The following ATP8A1 variants were observed in gnomAD, a reference collection of about 807,000 sequenced individuals.
The protein encoded by ATP8A1 is phospholipid-transporting ATPase IA.
In ATP8A1, 90 loss-of-function variants were observed where a neutral mutation model predicts 177.7. The ratio of observed to expected loss-of-function variants is 0.51; its 90% CI spans 0.43 to 0.60. ATP8A1 has a LOEUF of 0.60. ATP8A1 is among the 20% of genes least tolerant of loss of function. ATP8A1 has a pLI of 0.00. For missense variants in ATP8A1, 1,072 were observed against 1,392.8 expected, an observed-to-expected ratio of 0.77 and a Z score of 3.67; for synonymous variants, 493 against 485.9, an observed-to-expected ratio of 1.01 and a Z score of -0.19.
chr4:42,525,565 T>C (rs1048695590), intron 20 of ATP8A1, among the ~76,000 whole-genome samples: 2 of 152,248 alleles, frequency 1.3e-5, no homozygotes, highest in Non-Finnish European at 2.9e-5. Context: ...TACCAGATTA[T>C]GTTTAAAGTC....
rs769215914 is a variant in ATP8A1 at position 42,423,620 on chromosome 4, T to C, written c.3209A>G (p.Lys1070Arg). 2 of 1,608,012 alleles carry C rather than the reference T, an allele frequency of 1.2e-6. No individual in the cohort carries two copies. Among genetic ancestry groups the C allele is most frequent in the African/African-American group, 2.7e-5 (2 of 74,938 alleles). ...VASLLLDVVY[K>R]VIKRTAFKTL... ...ATATAACTGAGTATATACTTACACC[T>C]TGTACACCACATCAAGGAGCAGAGA... Residue 1070 changes from lysine to arginine, a missense_variant, in exon 34 of 37, where the codon AAG (lysine) becomes AGG (arginine). Coordinates refer to ENST00000381668, the MANE Select transcript of ATP8A1 (RefSeq NM_006095.2).
At chr4:42,504,153 C>T (rs1293587498) in intron 23 of ATP8A1, among the ~76,000 whole-genome samples, 1 of 152,188 alleles carries the variant, frequency 6.6e-6, no homozygotes, top group Non-Finnish European at 1.5e-5. Context: ...GAGTACACTG[C>T]CTTTGTGATC....
chr4:42,413,750 G>A (rs1712898344), intron 36 of ATP8A1, among the ~76,000 whole-genome samples: 1 of 152,176 alleles, frequency 6.6e-6, no homozygotes, highest in Non-Finnish European at 1.5e-5. Flanking sequence ...CTCACAGCGG[G>A]CTGAATCCAC....
chr4:42,539,540 CTACATTTAAAATTTATTA>C (rs1318964605), intron 20 of ATP8A1, among the ~76,000 whole-genome samples: 1 of 151,924 alleles, frequency 6.6e-6, no homozygotes, highest in African/African-American at 2.4e-5. Flanking sequence ...ATCACATTAC[CTACATTTAAAATTTATTA>C]CAAGGCTATA....
chr4:42,603,110 G>A (rs1368306709), intron 5 of ATP8A1, among the ~76,000 whole-genome samples: 1 of 151,926 alleles, frequency 6.6e-6, no homozygotes, highest in Non-Finnish European at 1.5e-5. Flanking sequence ...CAAGATATTT[G>A]ACATGAAGAT....
chr4:42,559,570 A>G (rs1730598989), intron 15 of ATP8A1, among the ~76,000 whole-genome samples: 2 of 152,238 alleles, frequency 1.3e-5, no homozygotes, highest in South Asian at 4.1e-4. Context: ...ATTGGGCAAA[A>G]TTTAAAATTT....
In ATP8A1 at chr4:42,616,608, G is replaced by A. The variant is rs534914884; in HGVS notation, c.364-530C>T. 2.6e-5 allele frequency among the ~76,000 whole-genome samples: 4 copies of A among 152,198 alleles called. No homozygotes were observed. In the East Asian group the frequency reaches 5.8e-4, roughly 22 times the overall value. On this transcript the variant is annotated intron_variant, in intron 4 of 36. Coordinates refer to ENST00000381668, the MANE Select transcript of ATP8A1 (RefSeq NM_006095.2). Reference sequence around the variant, plus strand: ...CTTGAACCAACGATGTCTACCACTGGCATACAGTCTCCCCTGTTCAATGCT... The same window carrying A: ...CTTGAACCAACGATGTCTACCACTGACATACAGTCTCCCCTGTTCAATGCT...
chr4:42,632,954 CAGAAA>C (rs1232951624), intron 1 of ATP8A1, among the ~76,000 whole-genome samples: 2 of 152,228 alleles, frequency 1.3e-5, no homozygotes, highest in South Asian at 2.1e-4. Flanking sequence ...GAGCAGCAGG[CAGAAA>C]AGAAATCAAT....
At chr4:42,474,020 G>A (rs1036272004) in intron 25 of ATP8A1, among the ~76,000 whole-genome samples, 1 of 152,106 alleles carries the variant, frequency 6.6e-6, no homozygotes, top group Non-Finnish European at 1.5e-5. Flanking sequence ...CCTATGTTGT[G>A]TGGATAAGTT....
At chr4:42,570,301 A>C (rs567733393) in intron 14 of ATP8A1, among the ~76,000 whole-genome samples, 1 of 152,320 alleles carries the variant, frequency 6.6e-6, no homozygotes, top group African/African-American at 2.4e-5. Flanking sequence ...CTTAAGAAGA[A>C]GGGCTAATCA....
intron 16 of ATP8A1, among the ~76,000 whole-genome samples, chr4:42,555,329 T>C (rs1362197648): frequency 6.6e-6 from 1 of 152,094 alleles, no homozygotes; most frequent in Non-Finnish European, 1.5e-5. Flanking sequence ...AGATAACTTA[T>C]TTCTATAAGT....
At chr4:42,635,149 T>A (rs758279651) in intron 1 of ATP8A1, among the ~76,000 whole-genome samples, 3 of 152,110 alleles carry the variant, frequency 2.0e-5, no homozygotes. Flanking sequence ...TTTGGTCAAT[T>A]AATATTGAGT....
chr4:42,527,186 A>G (rs1269787720), intron 20 of ATP8A1, among the ~76,000 whole-genome samples: 1 of 152,222 alleles, frequency 6.6e-6, no homozygotes, highest in Non-Finnish European at 1.5e-5. Context: ...TGAGAGTCTT[A>G]TCTCCTGCAG....
Position 42,524,421 on chromosome 4 carries a change from GT to G in ATP8A1, c.1807+341del, listed in dbSNP as rs57749223. Among the ~76,000 whole-genome samples, 335 of 144,870 alleles carry G rather than the reference GT, an allele frequency of 2.3e-3. 1 individual carries two copies. Among genetic ancestry groups the G allele is most frequent in the African/African-American group, 2.1e-3 (84 of 39,648 alleles). On this transcript the variant is annotated intron_variant, in intron 21 of 36. Coordinates refer to ENST00000381668, the MANE Select transcript of ATP8A1 (RefSeq NM_006095.2). ...CTTTCTTATTCAGATTAGAATATCT[GT>G]TTTTTTTTTTTGAGTCTTGCTTCTT...
intron 21 of ATP8A1, among the ~76,000 whole-genome samples, chr4:42,523,237 A>G (rs549518327): frequency 6.6e-6 from 1 of 152,292 alleles, no homozygotes; most frequent in African/African-American, 2.4e-5. Flanking sequence ...TCAGCCAGAA[A>G]AGAGTAGATG....
chr4:42,531,805 T>C (rs1727285280), intron 20 of ATP8A1, among the ~76,000 whole-genome samples: 1 of 152,046 alleles, frequency 6.6e-6, no homozygotes, highest in Non-Finnish European at 1.5e-5. Context: ...CCAATCCCAT[T>C]TACAACAGTC....
chr4:42,577,545 A>G (rs1057318593), intron 12 of ATP8A1, among the ~76,000 whole-genome samples: 18 of 152,290 alleles, frequency 1.2e-4, no homozygotes, highest in African/African-American at 4.3e-4. Flanking sequence ...TTCTCAAAAT[A>G]AAAGAAAAAT....
intron 27 of ATP8A1, chr4:42,459,267 A>G (rs139689801): frequency 2.6e-5 from 4 of 156,162 alleles, no homozygotes; most frequent in African/African-American, 9.6e-5. Context: ...ACCACAAATC[A>G]CATAATTCTG....
In ATP8A1 at chr4:42,590,901, A is replaced by T. The variant is rs759874687; in HGVS notation, c.451-17T>A. The T allele has an allele frequency of 3.2e-6, 5 of 1,549,642 alleles. No individual in the cohort carries two copies. In the African/African-American group the frequency reaches 6.2e-5, roughly 19 times the overall value. On this transcript the variant is annotated splice_polypyrimidine_tract_variant and intron_variant, in intron 6 of 36. Coordinates refer to ENST00000381668, the MANE Select transcript of ATP8A1 (RefSeq NM_006095.2). ...TACTGCCACCTACACGTCCCAGTAT[A>T]AAATAATTAAAATGGCCAAAAAAAA...
Sources: gnomAD v4.1 joint callset for allele counts (sites outside exome capture counted in the v4.1 genomes callset) on GRCh38, gnomAD v4.1.1 for gene constraint, MANE v1.5 for transcripts, NCBI Gene and HGNC (gene_info 2026-07-23, HGNC 2026-07-21) for gene names.